The following SLC24A2 variants were observed in gnomAD, a reference collection of about 807,000 sequenced individuals.
SLC24A2 encodes the protein solute carrier family 24 member 2.
Under a neutral mutation model 62.0 loss-of-function variants are expected in SLC24A2, and 36 were observed. The ratio of observed to expected loss-of-function variants is 0.58; its 90% CI spans 0.44 to 0.77. The LOEUF is 0.77. Among genes scored for constraint, SLC24A2 ranks in the 30% least tolerant of loss-of-function variants. The probability of loss-of-function intolerance (pLI) is 0.00; values close to 1 mark genes in which losing one functional copy is unlikely to be tolerated. For synonymous variants in SLC24A2, 358 were observed against 294.0 expected (o/e 1.22, Z -2.23); for missense variants, 846 against 817.9 (o/e 1.03, Z -0.42).
chr9:19,994,509 G>A, the SLC24A2 span, among the ~76,000 whole-genome samples: 1 of 152,118 alleles, frequency 6.6e-6, no homozygotes, highest in Admixed American at 6.6e-5. Context: ...GGTTTTTCAC[G>A]TTCGCTCATT....
At chr9:19,839,420 A>G in the SLC24A2 span, among the ~76,000 whole-genome samples, 1 of 152,150 alleles carries the variant, frequency 6.6e-6, no homozygotes, top group Non-Finnish European at 1.5e-5. Flanking sequence ...TGCTTCTTCC[A>G]TTCTTGCTGT....
chr9:20,211,556 T>G, the SLC24A2 span, among the ~76,000 whole-genome samples: 2 of 152,084 alleles, frequency 1.3e-5, no homozygotes, highest in Admixed American at 6.5e-5. Context: ...ATTGCAAAAC[T>G]TAGAGACTTG....
the SLC24A2 span, among the ~76,000 whole-genome samples, chr9:20,224,851 C>T: frequency 2.6e-5 from 4 of 151,972 alleles, no homozygotes; most frequent in Admixed American, 6.6e-5. Flanking sequence ...CTGCTCACAG[C>T]TGCCCTCATT....
chr9:20,091,533 TG>T, the SLC24A2 span, among the ~76,000 whole-genome samples: 10 of 152,034 alleles, frequency 6.6e-5, no homozygotes, highest in South Asian at 1.5e-3. Context: ...CAGAAGAGAC[TG>T]GGGACCTATA....
intron 2 of SLC24A2, among the ~76,000 whole-genome samples, chr9:19,653,410 G>A (rs1449436142): frequency 2.6e-5 from 4 of 152,180 alleles, no homozygotes; most frequent in Non-Finnish European, 5.9e-5. Flanking sequence ...CCTGACTCAT[G>A]ATAGGTGCTC....
chr9:20,229,833 T>A, the SLC24A2 span, among the ~76,000 whole-genome samples: 2 of 151,998 alleles, frequency 1.3e-5, no homozygotes, highest in Admixed American at 6.5e-5. Flanking sequence ...GCTGCACCCA[T>A]TAACTCGTCA....
chr9:20,203,723 C>G, the SLC24A2 span, among the ~76,000 whole-genome samples: 3 of 151,934 alleles, frequency 2.0e-5, no homozygotes, highest in Non-Finnish European at 4.4e-5. Flanking sequence ...GAAGAAGCAG[C>G]AGCAGCAGAA....
At chr9:20,209,272 G>C in the SLC24A2 span, among the ~76,000 whole-genome samples, 1 of 152,176 alleles carries the variant, frequency 6.6e-6, no homozygotes, top group Non-Finnish European at 1.5e-5. Flanking sequence ...AGCATGTTAA[G>C]GACACAGTTT....
chr9:19,725,816 A>G (rs1821152919), intron 2 of SLC24A2, among the ~76,000 whole-genome samples: 1 of 152,170 alleles, frequency 6.6e-6, no homozygotes. Context: ...TCAGCACTCA[A>G]TGTAGCATAT....
At chr9:20,286,581 G>C in the SLC24A2 span, among the ~76,000 whole-genome samples, 3 of 152,190 alleles carry the variant, frequency 2.0e-5, no homozygotes, top group African/African-American at 4.8e-5. Context: ...ATGCTGCAAG[G>C]GGGGGCTGAG....
chr9:20,116,407 A>T, the SLC24A2 span, among the ~76,000 whole-genome samples: 17 of 152,152 alleles, frequency 1.1e-4, no homozygotes, highest in African/African-American at 3.6e-4. Flanking sequence ...GCATTCTGAT[A>T]GAGGGTGCCC....
At chr9:19,636,589 C>A (rs575641016) in intron 2 of SLC24A2, among the ~76,000 whole-genome samples, 5 of 151,676 alleles carry the variant, frequency 3.3e-5, no homozygotes, top group African/African-American at 1.2e-4. Flanking sequence ...CAGCCATCAA[C>A]TTGCCCAGCT....
intron 5 of SLC24A2, among the ~76,000 whole-genome samples, chr9:19,587,887 T>C (rs557786252): frequency 9.8e-5 from 15 of 152,368 alleles, no homozygotes; most frequent in Non-Finnish European, 1.0e-4. Flanking sequence ...CTTTTACTGC[T>C]GACAGTTTAG....
At chr9:19,524,373 G>A (rs1178358142) in intron 9 of SLC24A2, among the ~76,000 whole-genome samples, 1 of 127,792 alleles carries the variant, frequency 7.8e-6, no homozygotes, top group South Asian at 2.6e-4. Context: ...TTATTAAAGT[G>A]CAAAAACAAT....
the SLC24A2 span, among the ~76,000 whole-genome samples, chr9:19,991,137 C>T: frequency 3.3e-5 from 5 of 151,916 alleles, no homozygotes; most frequent in Non-Finnish European, 7.4e-5. Context: ...AATAGGCCAT[C>T]TGCAAGCTGA....
intron 2 of SLC24A2, among the ~76,000 whole-genome samples, chr9:19,633,933 GT>G (rs1479633814): frequency 1.8e-4 from 28 of 152,230 alleles, no homozygotes; most frequent in African/African-American, 6.7e-4. Context: ...CAGAGTAAAA[GT>G]TTTTAATTTT....
the SLC24A2 span, among the ~76,000 whole-genome samples, chr9:20,148,568 C>A: frequency 6.6e-6 from 1 of 152,090 alleles, no homozygotes; most frequent in East Asian, 1.9e-4. Flanking sequence ...AATTTAAGTG[C>A]GCAAATAAAT....
chr9:20,007,489 T>A, the SLC24A2 span, among the ~76,000 whole-genome samples: 2 of 152,170 alleles, frequency 1.3e-5, no homozygotes, highest in Non-Finnish European at 2.9e-5. Flanking sequence ...GTTACCTTTA[T>A]ATAAATGGTG....
At chr9:20,256,568 TCCCAAGGG>T in the SLC24A2 span, among the ~76,000 whole-genome samples, 1 of 152,142 alleles carries the variant, frequency 6.6e-6, no homozygotes. Flanking sequence ...TGGGTAACTG[TCCCAAGGG>T]TTCTCTTCTT....
Sources: allele counts gnomAD v4.1 joint callset (sites outside exome capture counted in the v4.1 genomes callset), GRCh38; gene constraint gnomAD v4.1.1; transcripts MANE v1.5; gene names NCBI Gene and HGNC (gene_info 2026-07-23, HGNC 2026-07-21).